PDE3B: variants seen among roughly 807,000 people sequenced by gnomAD.
The protein encoded by PDE3B is phosphodiesterase 3B.
In PDE3B, 66 loss-of-function variants were observed where a neutral mutation model predicts 116.8. The observed-to-expected ratio is 0.56, with a 90% confidence interval of 0.46 to 0.69. The LOEUF (loss-of-function observed/expected upper bound fraction) is 0.69. Ranked by LOEUF, PDE3B falls within the 30% of genes least tolerant of loss-of-function variation. The probability of loss-of-function intolerance (pLI) is 0.00; values close to 1 mark genes in which losing one functional copy is unlikely to be tolerated. For missense variants in PDE3B, 1,384 were observed against 1,368.1 expected (o/e 1.01, Z -0.18); for synonymous variants, 595 against 533.6 (o/e 1.12, Z -1.59).
At chr11:14,881,157 T>A in the PDE3B span, among the ~76,000 whole-genome samples, 13 of 152,076 alleles carry the variant, frequency 8.5e-5, no homozygotes, top group Middle Eastern at 3.4e-3. Flanking sequence ...ACCTAAAAAA[T>A]CATCCTTCTA....
chr11:14,812,178 A>G (rs1270998381), intron 5 of PDE3B, among the ~76,000 whole-genome samples: 1 of 152,212 alleles, frequency 6.6e-6, no homozygotes, highest in African/African-American at 2.4e-5. Flanking sequence ...AGAATTAGAT[A>G]GTGGTGATAG....
chr11:14,685,547 C>T (rs1399691511), intron 1 of PDE3B, among the ~76,000 whole-genome samples: 1 of 148,130 alleles, frequency 6.8e-6, no homozygotes, highest in African/African-American at 2.5e-5. Context: ...CCTCCATCTC[C>T]TGGGTTCAAG....
At chr11:14,831,570 C>A in intron 8 of PDE3B, 70 bp from the exon 9 acceptor site, 2 of 924,510 alleles carry the variant, frequency 2.2e-6, no homozygotes, top group South Asian at 2.4e-5. Context: ...CCTAAGTGTT[C>A]TCATTGTAAT....
intron 1 of PDE3B, among the ~76,000 whole-genome samples, chr11:14,670,075 T>C (rs780947771): frequency 6.6e-6 from 1 of 152,158 alleles, no homozygotes; most frequent in Non-Finnish European, 1.5e-5. Flanking sequence ...AGCATAGTTA[T>C]CTGGGTGATT....
At chr11:14,783,100 CAG>C (rs1395947919) in intron 2 of PDE3B, among the ~76,000 whole-genome samples, 2 of 152,244 alleles carry the variant, frequency 1.3e-5, no homozygotes, top group Admixed American at 1.3e-4. Context: ...ATTAAAAAGT[CAG>C]GGAACAACAG....
intron 4 of PDE3B, among the ~76,000 whole-genome samples, chr11:14,796,867 A>G (rs1858572294): frequency 6.6e-6 from 1 of 151,844 alleles, no homozygotes; most frequent in Non-Finnish European, 1.5e-5. Flanking sequence ...AAGCTCTTTA[A>G]TTAGATCGCA....
chr11:14,652,561 T>C (rs1590031936), intron 1 of PDE3B, among the ~76,000 whole-genome samples: 1 of 152,190 alleles, frequency 6.6e-6, no homozygotes, highest in East Asian at 1.9e-4. Flanking sequence ...AACCATAAAA[T>C]TTACTCTGTT....
Position 14,644,271 on chromosome 11 carries a change from C to T in PDE3B, c.196C>T (p.Pro66Ser). ...NVELRPPPAS[P>S]QQPRRCSPFC... is the part of the protein sequence containing the mutation. ...GGAGCTGCGGCCGCCGCCGGCCTCT[C>T]CCCAGCAGCCGCGGCGCTGCTCCCC... The change falls in exon 1 of 16, where the codon CCC becomes TCC. Residue 66 changes from proline (P) to serine (S), a missense_variant. Pro to Ser is a moderately conservative substitution (Grantham distance 74, BLOSUM62 -1). This residue lies in a region of PDE3B where 956 missense variants were observed against 806.8 expected (regional missense o/e 1.18). Transcript: ENST00000282096. 2 of 1,566,884 alleles carry T rather than the reference C, an allele frequency of 1.3e-6. No homozygotes were observed. Among genetic ancestry groups the T allele is most frequent in the Non-Finnish European group, 1.7e-6 (2 of 1,163,392 alleles).
downstream of PDE3B, among the ~76,000 whole-genome samples, chr11:14,876,046 T>A (rs1848185243): frequency 6.6e-6 from 1 of 152,176 alleles, no homozygotes; most frequent in Admixed American, 6.5e-5. Flanking sequence ...CCTCCTCAAC[T>A]TTTATTATAG....
chr11:14,835,197 C>G, intron 11 of PDE3B, 102 bp downstream of exon 11: 2 of 692,616 alleles, frequency 2.9e-6, no homozygotes, highest in Non-Finnish European at 4.9e-6. Flanking sequence ...ATTAAGTAAC[C>G]GTTTAGTACA....
intron 1 of PDE3B, among the ~76,000 whole-genome samples, chr11:14,645,783 T>TA (rs1853384423): frequency 6.6e-6 from 1 of 152,162 alleles, no homozygotes; most frequent in African/African-American, 2.4e-5. Flanking sequence ...GTTTTTTTTT[T>TA]AAAAGGGATT....
intron 1 of PDE3B, among the ~76,000 whole-genome samples, chr11:14,723,716 T>G (rs1443489762): frequency 2.6e-5 from 4 of 151,500 alleles, no homozygotes; most frequent in Non-Finnish European, 5.9e-5. Context: ...GAGCTATGAT[T>G]GGGCCACTGT....
intron 1 of PDE3B, among the ~76,000 whole-genome samples, chr11:14,676,566 A>T (rs1854537465): frequency 6.6e-6 from 1 of 152,172 alleles, no homozygotes; most frequent in African/African-American, 2.4e-5. Flanking sequence ...AGGTGAGTGA[A>T]TGGAAGGTCT....
chr11:14,891,629 T>A, the PDE3B span: 5 of 1,094,182 alleles, frequency 4.6e-6, no homozygotes, highest in Admixed American at 5.0e-5. Context: ...CGCCCGCACC[T>A]GAGGGCATGC....
chr11:14,819,063 A>AT (rs1170218296), intron 6 of PDE3B, 73 bp from the exon 7 acceptor site: 1 of 874,492 alleles, frequency 1.1e-6, no homozygotes, highest in African/African-American at 1.7e-5. Context: ...AATTAAACAG[A>AT]TTTTCTAATT....
intron 1 of PDE3B, among the ~76,000 whole-genome samples, chr11:14,737,068 C>T (rs72869749): frequency 0.11 from 17,248 of 152,148 alleles, 1,280 homozygotes; most frequent in East Asian, 0.26. Context: ...AAAATAATAT[C>T]TATTACATAG....
intron 1 of PDE3B, among the ~76,000 whole-genome samples, chr11:14,760,796 T>A (rs1416223855): frequency 1.3e-5 from 2 of 152,160 alleles, no homozygotes; most frequent in Non-Finnish European, 2.9e-5. Context: ...AAAATTGACA[T>A]CACAGTTGTA....
intron 1 of PDE3B, among the ~76,000 whole-genome samples, chr11:14,695,367 T>A (rs559049156): frequency 2.7e-4 from 41 of 152,184 alleles, no homozygotes; most frequent in African/African-American, 9.9e-4. Context: ...GACGTTTGGA[T>A]TATTTTTATT....
intron 2 of PDE3B, chr11:14,776,299 G>A (rs1857782995): frequency 6.6e-6 from 1 of 152,266 alleles, no homozygotes; most frequent in South Asian, 2.1e-4. Context: ...CTTCCCTCCT[G>A]GGCATGAGAC....
Sources: gnomAD v4.1 joint callset for allele counts (sites outside exome capture counted in the v4.1 genomes callset) on GRCh38, gnomAD v4.1.1 for gene constraint, gnomAD v4.1.1 regional missense constraint, MANE v1.5 for transcripts, NCBI Gene and HGNC (gene_info 2026-07-23, HGNC 2026-07-21) for gene names.